Variants in SNRPA1 observed in about 807,000 individuals in gnomAD.
The protein encoded by SNRPA1 is small nuclear ribonucleoprotein polypeptide A'.
In SNRPA1, 5 loss-of-function variants were observed where a neutral mutation model predicts 32.3. That is an observed-to-expected ratio of 0.15 (90% CI 0.08 to 0.33). The LOEUF is 0.33. SNRPA1 is among the 10% of genes least tolerant of loss of function. SNRPA1 has a pLI of 1.00. For synonymous variants in SNRPA1, 111 were observed against 120.1 expected, an observed-to-expected ratio of 0.92 and a Z score of 0.50; for missense variants, 198 against 311.1, an observed-to-expected ratio of 0.64 and a Z score of 2.74.
chr15:101,284,565 C>T (rs966927734), intron 8 of SNRPA1, among the ~76,000 whole-genome samples: 3 of 148,810 alleles, frequency 2.0e-5, no homozygotes, highest in African/African-American at 5.0e-5. Flanking sequence ...TACAAAAGTG[C>T]GATCTCGGCT....
intron 6 of SNRPA1, 48 bp downstream of exon 6, chr15:101,286,166 C>T: frequency 6.8e-7 from 1 of 1,471,066 alleles, no homozygotes; most frequent in Non-Finnish European, 9.5e-7. Context: ...CAGATCAGAT[C>T]ATGTTTCTGA....
At chr15:101,283,088 G>T (rs1448938408) in intron 8 of SNRPA1, among the ~76,000 whole-genome samples, 1 of 152,182 alleles carries the variant, frequency 6.6e-6, no homozygotes. Context: ...ACTCTTAAGT[G>T]AAACTGGTAT....
At chr15:101,291,312 G>T (rs1226694358) in intron 3 of SNRPA1, among the ~76,000 whole-genome samples, 1 of 152,202 alleles carries the variant, frequency 6.6e-6, no homozygotes, top group African/African-American at 2.4e-5. Flanking sequence ...AGTTCCAAGT[G>T]GATTGTTCAT....
chr15:101,289,136 T>C (rs1403086418), intron 3 of SNRPA1, among the ~76,000 whole-genome samples: 1 of 152,128 alleles, frequency 6.6e-6, no homozygotes, highest in African/African-American at 2.4e-5. Context: ...TTACCCCCAC[T>C]GAAGATGATC....
chr15:101,291,902 G>A, intron 3 of SNRPA1, 60 bp downstream of exon 3: 1 of 1,030,552 alleles, frequency 9.7e-7, no homozygotes, highest in Non-Finnish European at 1.5e-6. Flanking sequence ...ATTTTCTGTA[G>A]GAAGCACATA....
intron 3 of SNRPA1, among the ~76,000 whole-genome samples, chr15:101,288,675 C>G (rs979721566): frequency 6.6e-6 from 1 of 152,196 alleles, no homozygotes; most frequent in South Asian, 2.1e-4. Flanking sequence ...TGCAGTAACT[C>G]TAAAATAGGA....
chr15:101,282,181 G>A (rs1190287288), intron 8 of SNRPA1, among the ~76,000 whole-genome samples: 1 of 152,172 alleles, frequency 6.6e-6, no homozygotes, highest in Non-Finnish European at 1.5e-5. Context: ...TGACTTTATT[G>A]TCTCTAAATT....
intron 1 of SNRPA1, 39 bp downstream of exon 1, chr15:101,295,058 T>G (rs1175839189): frequency 7.6e-7 from 1 of 1,318,580 alleles, no homozygotes; most frequent in Non-Finnish European, 1.0e-6. Flanking sequence ...GGCGGCTCGG[T>G]GCCGCCTGGG....
chr15:101,288,116 G>C (rs969899843), intron 3 of SNRPA1: 2 of 179,864 alleles, frequency 1.1e-5, no homozygotes, highest in African/African-American at 4.7e-5. Flanking sequence ...AACAACAAAG[G>C]TATACTGTCT....
intron 1 of SNRPA1, 33 bp downstream of exon 1, chr15:101,295,064 C>A: frequency 7.2e-7 from 1 of 1,387,706 alleles, no homozygotes; most frequent in Non-Finnish European, 9.6e-7. Context: ...TCGGTGCCGC[C>A]TGGGGACTGG....
intron 1 of SNRPA1, among the ~76,000 whole-genome samples, chr15:101,294,209 T>A (rs927169477): frequency 2.0e-5 from 3 of 152,178 alleles, no homozygotes; most frequent in Non-Finnish European, 2.9e-5. Context: ...GCGCTCCAGC[T>A]GGGGCGGAAA....
At chr15:101,291,912 A>G in intron 3 of SNRPA1, 50 bp downstream of exon 3, 1 of 1,162,548 alleles carries the variant, frequency 8.6e-7, no homozygotes, top group South Asian at 1.3e-5. Context: ...GGAAGCACAT[A>G]GTACCTTTAA....
chr15:101,287,606 T>C lies in SNRPA1; in HGVS notation c.356+50A>G, dbSNP rs766655793. 5.4e-6 allele frequency: 8 copies of C among 1,492,612 alleles called. No homozygotes were observed. In the Admixed American group the frequency reaches 6.7e-5, roughly 12 times the overall value. 92.5% of individuals were successfully genotyped at this position (1,492,612 alleles called of 1,614,324 possible). Reference sequence around the variant, plus strand: ...ACATTAAGGTCAAGGCTGGTAAAAGTAATGTTATTTTAAAGGGCTTCATTT... The same window carrying C: ...ACATTAAGGTCAAGGCTGGTAAAAGCAATGTTATTTTAAAGGGCTTCATTT... On this transcript the variant is annotated intron_variant, in intron 4 of 8. Coordinates refer to ENST00000254193, the MANE Select transcript of SNRPA1 (RefSeq NM_003090.4).
intron 2 of SNRPA1, chr15:101,292,747 T>C (rs1764158686): frequency 4.5e-6 from 1 of 221,858 alleles, no homozygotes; most frequent in Non-Finnish European, 8.7e-6. Context: ...TAAAAATACA[T>C]GATTTCTGAA....
At position 101,294,316 on chromosome 15, in the gene SNRPA1, G is replaced by A. The variant is rs145662771; in HGVS notation, c.82+781C>T. 1.6e-3 allele frequency among the ~76,000 whole-genome samples: 238 copies of A among 152,346 alleles called. 3 individuals are homozygous for A. Among genetic ancestry groups the A allele is most frequent in the East Asian group, 7.1e-3 (37 of 5,186 alleles). ...GCAGATCCCGCAGCGATGCTGCTCC[G>A]AGGCCATAGGTCCCCATGGGAACAA... On this transcript the variant is annotated intron_variant, in intron 1 of 8. Transcript: ENST00000254193.
intron 1 of SNRPA1, among the ~76,000 whole-genome samples, chr15:101,294,233 T>A (rs1276088392): frequency 6.6e-6 from 1 of 152,178 alleles, no homozygotes; most frequent in Non-Finnish European, 1.5e-5. Flanking sequence ...CGAGACTCCA[T>A]CTCAACACAA....
Position 101,286,403 on chromosome 15 carries a change from G to A in SNRPA1, c.460-110C>T, listed in dbSNP as rs149892065. On this transcript the variant is annotated intron_variant, in intron 5 of 8. Coordinates refer to ENST00000254193, the MANE Select transcript of SNRPA1 (RefSeq NM_003090.4). ...CTCTCCTACAGTACTCCGGGCTGGT[G>A]AAAATACCAAAAAGCAATTTCAAAT... The A allele has an allele frequency of 2.1e-4, 186 of 882,850 alleles. No homozygotes were observed. The African/African-American group carries it at 3.0e-3, about 14-fold the overall frequency. The allele number at this position is 882,850 out of a possible 1,614,324, so 54.7% of individuals were successfully genotyped here.
chr15:101,292,609 A>G (rs1346130871), intron 2 of SNRPA1, among the ~76,000 whole-genome samples: 1 of 151,846 alleles, frequency 6.6e-6, no homozygotes, highest in African/African-American at 2.4e-5. Flanking sequence ...AAAAAAGCAG[A>G]GACGCTCAGT....
At chr15:101,285,412 G>A (rs1373041169) in intron 7 of SNRPA1, among the ~76,000 whole-genome samples, 1 of 152,192 alleles carries the variant, frequency 6.6e-6, no homozygotes, top group African/African-American at 2.4e-5. Context: ...GGATTTGCCA[G>A]ACAGCAAATC....
Sources: allele counts gnomAD v4.1 joint callset (sites outside exome capture counted in the v4.1 genomes callset), GRCh38; gene constraint gnomAD v4.1.1; transcripts MANE v1.5; gene names NCBI Gene and HGNC (gene_info 2026-07-23, HGNC 2026-07-21).